MLLT10: variants seen among roughly 807,000 people sequenced by gnomAD.
MLLT10 encodes the protein MLLT10 histone lysine methyltransferase DOT1L cofactor, also known as protein AF-10.
MLLT10 carries 30 observed loss-of-function variants against 129.1 expected under a neutral mutation model. The ratio of observed to expected loss-of-function variants is 0.23; its 90% CI spans 0.17 to 0.32. The LOEUF (loss-of-function observed/expected upper bound fraction) is 0.32. MLLT10 is among the 10% of genes least tolerant of loss of function. MLLT10 has a pLI of 1.00. For missense variants in MLLT10, 1,119 were observed against 1,268.3 expected, an observed-to-expected ratio of 0.88 and a Z score of 1.79; for synonymous variants, 490 against 446.4, an observed-to-expected ratio of 1.10 and a Z score of -1.23.
chr10:21,742,102 A>G lies in MLLT10; in HGVS notation c.*119A>G, dbSNP rs922026993. ...CAACAAGAAACTCAATGCACAACAA[A>G]GGATTAATTGCTGCAAGGACATTCT... On this transcript the variant is annotated 3_prime_UTR_variant, in exon 23 of 23. Coordinates refer to ENST00000307729, the MANE Select transcript of MLLT10 (RefSeq NM_001195626.3). The G allele has an allele frequency of 1.2e-5, 10 of 844,840 alleles. No homozygotes were observed. The highest frequency in any genetic ancestry group is 1.7e-5 in the Non-Finnish European group (9 of 528,630). The allele number at this position is 844,840 out of a possible 1,614,324, so 52.3% of individuals were successfully genotyped here.
At chr10:21,626,085 T>C in intron 8 of MLLT10, 1 of 1,596,548 alleles carries the variant, frequency 6.3e-7, no homozygotes, top group South Asian at 1.1e-5. Context: ...TCAGGTCCCT[T>C]TGTGGACTCT....
At chr10:21,544,917 G>C (rs764190949) in intron 3 of MLLT10, among the ~76,000 whole-genome samples, 4 of 152,182 alleles carry the variant, frequency 2.6e-5, no homozygotes, top group Non-Finnish European at 5.9e-5. Flanking sequence ...AGGCCGAGGC[G>C]GGCGGATCAC....
chr10:21,612,538 AT>A lies in MLLT10; in HGVS notation c.509+89del, dbSNP rs1382159915. ...AAGTTAAAGACTTAGATACTCAAAC[AT>A]TAATTATGGTAAACTTTATTGGTAT... On this transcript the variant is annotated intron_variant, in intron 6 of 22. Transcript: ENST00000307729. The A allele has an allele frequency of 5.8e-6, 4 of 691,812 alleles. No individual in the cohort carries two copies. In the African/African-American group the frequency reaches 7.2e-5, roughly 13 times the overall value. 42.9% of individuals were successfully genotyped at this position (691,812 alleles called of 1,614,324 possible).
intron 3 of MLLT10, among the ~76,000 whole-genome samples, chr10:21,563,817 A>G (rs2039174396): frequency 6.7e-6 from 1 of 148,742 alleles, no homozygotes; most frequent in Non-Finnish European, 1.5e-5. Context: ...TATTATTATT[A>G]TTATTATTAT....
chr10:21,641,407 G>T (rs954992965), intron 8 of MLLT10, among the ~76,000 whole-genome samples: 1 of 152,146 alleles, frequency 6.6e-6, no homozygotes, highest in African/African-American at 2.4e-5. Context: ...TAAATTGAGT[G>T]AAACCTACTG....
chr10:21,682,179 T>G, intron 12 of MLLT10, 46 bp from the exon 13 acceptor site: 1 of 1,557,768 alleles, frequency 6.4e-7, no homozygotes, highest in Non-Finnish European at 8.8e-7. Flanking sequence ...CTTTTGTGTG[T>G]TTGAGAATGA....
chr10:21,570,212 TTGTG>T (rs528760884), intron 3 of MLLT10, among the ~76,000 whole-genome samples: 114 of 147,924 alleles, frequency 7.7e-4, no homozygotes, highest in East Asian at 2.0e-3. Context: ...CCAGGCCAAT[TTGTG>T]TGTGTGTGTG....
chr10:21,739,994 G>A (rs2058698582), intron 21 of MLLT10, 36 bp from the exon 22 acceptor site: 5 of 1,519,438 alleles, frequency 3.3e-6, no homozygotes, highest in East Asian at 2.4e-5. Flanking sequence ...TTCCGTGCTT[G>A]GGAACTCATT....
chr10:21,618,179 A>C (rs556423505), intron 8 of MLLT10, among the ~76,000 whole-genome samples: 1 of 152,306 alleles, frequency 6.6e-6, no homozygotes, highest in Non-Finnish European at 1.5e-5. Flanking sequence ...TCACATTTGT[A>C]AATATGATTT....
intron 8 of MLLT10, among the ~76,000 whole-genome samples, chr10:21,619,934 C>CTTT (rs59738804): frequency 1.5e-5 from 2 of 136,254 alleles, no homozygotes; most frequent in Non-Finnish European, 1.6e-5. Flanking sequence ...TTTTTCTTTT[C>CTTT]TTTTTTTTTT....
chr10:21,618,735 A>G lies in MLLT10; in HGVS notation c.699+1528A>G, dbSNP rs1010713826. 7.3e-5 allele frequency among the ~76,000 whole-genome samples: 11 copies of G among 150,620 alleles called. 1 individual carries two copies. In the South Asian group the frequency reaches 2.3e-3, roughly 32 times the overall value. On this transcript the variant is annotated intron_variant, in intron 8 of 22. Transcript: ENST00000307729. Reference sequence around the variant, plus strand: ...CGCAACCTCTGCCTGCTGGGTTCAAACGATTCTCGTGTCTCAGCCTCCCTA... The same window carrying G: ...CGCAACCTCTGCCTGCTGGGTTCAAGCGATTCTCGTGTCTCAGCCTCCCTA...
At chr10:21,540,042 T>A (rs1236070242) in intron 3 of MLLT10, among the ~76,000 whole-genome samples, 1 of 151,560 alleles carries the variant, frequency 6.6e-6, no homozygotes, top group Non-Finnish European at 1.5e-5. Flanking sequence ...ATTGCTTGAG[T>A]CCAGGAGTTT....
At chr10:21,686,853 G>A (rs7893818) in intron 13 of MLLT10, among the ~76,000 whole-genome samples, 4,565 of 152,112 alleles carry the variant, frequency 0.03, 229 homozygotes, top group African/African-American at 0.1. Context: ...GTGATGGTGC[G>A]TGTCTGTAAT....
chr10:21,740,270 C>G, intron 22 of MLLT10, 34 bp downstream of exon 22: 2 of 1,593,762 alleles, frequency 1.3e-6, no homozygotes, highest in Non-Finnish European at 1.7e-6. Context: ...TCTAATGAAA[C>G]AAGAACTGTA....
intron 8 of MLLT10, chr10:21,626,292 A>T: frequency 7.5e-7 from 1 of 1,326,840 alleles, no homozygotes; most frequent in Non-Finnish European, 1.1e-6. Flanking sequence ...AATCCAGGGC[A>T]GAGCAGGGGC....
intron 21 of MLLT10, among the ~76,000 whole-genome samples, chr10:21,735,503 T>C (rs528485570): frequency 1.3e-5 from 2 of 152,322 alleles, no homozygotes; most frequent in East Asian, 3.9e-4. Flanking sequence ...CGGAGCTTCA[T>C]TTTGATACGG....
chr10:21,545,758 T>C (rs1411687122), intron 3 of MLLT10, among the ~76,000 whole-genome samples: 2 of 152,224 alleles, frequency 1.3e-5, no homozygotes, highest in Non-Finnish European at 2.9e-5. Flanking sequence ...CATCGAACTC[T>C]GGGGCTCAAG....
chr10:21,548,819 A>T (rs1254924088), intron 3 of MLLT10, among the ~76,000 whole-genome samples: 1 of 151,924 alleles, frequency 6.6e-6, no homozygotes, highest in Non-Finnish European at 1.5e-5. Flanking sequence ...TTTTCAGGGT[A>T]TCTTGCTTTA....
intron 14 of MLLT10, among the ~76,000 whole-genome samples, chr10:21,719,040 C>T (rs1053971149): frequency 1.3e-5 from 2 of 152,176 alleles, no homozygotes; most frequent in African/African-American, 4.8e-5. Flanking sequence ...GTATTTTAAA[C>T]ATACAATTTA....
Sources: allele counts gnomAD v4.1 joint callset (sites outside exome capture counted in the v4.1 genomes callset), GRCh38; gene constraint gnomAD v4.1.1; transcripts MANE v1.5; gene names NCBI Gene and HGNC (gene_info 2026-07-23, HGNC 2026-07-21).